The following CELSR1 variants were observed in gnomAD, a reference collection of about 807,000 sequenced individuals.
CELSR1 encodes the protein adhesion G protein-coupled receptor C1.
A neutral mutation model predicts 249.1 loss-of-function variants in CELSR1; 110 were observed. That is an observed-to-expected ratio of 0.44 (90% CI 0.38 to 0.52). CELSR1 has a LOEUF of 0.52. Among genes scored for constraint, CELSR1 ranks in the 20% least tolerant of loss-of-function variants. The pLI is 0.00. For synonymous variants in CELSR1, 2,113 were observed against 1,900.0 expected, an observed-to-expected ratio of 1.11 and a Z score of -2.92; for missense variants, 4,109 against 4,296.4, an observed-to-expected ratio of 0.96 and a Z score of 1.22.
rs528116577 is a variant in CELSR1 at position 46,509,261 on chromosome 22, T to C, written c.3544+24366A>G. 1.9e-3 allele frequency among the ~76,000 whole-genome samples: 291 copies of C among 152,300 alleles called. 1 individual carries two copies. The highest frequency in any genetic ancestry group is 3.2e-3 in the Non-Finnish European group (216 of 68,024). Reference sequence around the variant, plus strand: ...CAGACCTGCAAAGCGGGGGCTCCAATGACCCCATGTGCCATGACACCTGCA... The same window carrying C: ...CAGACCTGCAAAGCGGGGGCTCCAACGACCCCATGTGCCATGACACCTGCA... On this transcript the variant is annotated intron_variant, in intron 1 of 34. Coordinates refer to ENST00000674500, the MANE Select transcript of CELSR1 (RefSeq NM_001378328.1).
intron 1 of CELSR1, among the ~76,000 whole-genome samples, chr22:46,519,318 G>C (rs925629393): frequency 6.6e-6 from 1 of 152,176 alleles, no homozygotes; most frequent in Non-Finnish European, 1.5e-5. Flanking sequence ...AACAAACAAG[G>C]ACAAAGATCC....
At position 46,440,395 on chromosome 22, in the gene CELSR1, T is replaced by G. The variant is rs1321583804; in HGVS notation, c.4184-984A>C. On this transcript the variant is annotated intron_variant, in intron 2 of 34. Coordinates refer to ENST00000674500, the MANE Select transcript of CELSR1 (RefSeq NM_001378328.1). The surrounding 1 kb of genome is among the most constrained non-coding windows in gnomAD (Gnocchi z 4.7). ...TTTGTATTTTTAGTAGAGACGGGGA[T>G]TCACCGTGTTAGCCAGGATGGTCTC... is the stretch of plus-strand genomic sequence containing the variant. Among the ~76,000 whole-genome samples, 1 of 152,188 alleles carries G rather than the reference T, an allele frequency of 6.6e-6. No homozygotes were observed. Among genetic ancestry groups the G allele is most frequent in the Non-Finnish European group, 1.5e-5 (1 of 68,028 alleles).
chr22:46,521,366 A>G (rs1170715794), intron 1 of CELSR1, among the ~76,000 whole-genome samples: 3 of 152,098 alleles, frequency 2.0e-5, no homozygotes, highest in African/African-American at 7.2e-5. Context: ...TTAGCTGGGC[A>G]TGGTGGCGGG....
intron 1 of CELSR1, among the ~76,000 whole-genome samples, chr22:46,469,059 G>A (rs2080127473): frequency 1.3e-5 from 2 of 152,246 alleles, no homozygotes; most frequent in Admixed American, 1.3e-4. Context: ...CTGGGGGACA[G>A]AGAGAGGCTC....
Position 46,369,975 on chromosome 22 carries a change from C to T in CELSR1, c.7760-171G>A, listed in dbSNP as rs1340506086. The T allele has an allele frequency of 2.2e-5, 15 of 677,202 alleles. No homozygotes were observed. The East Asian group carries it at 2.8e-4, about 13-fold the overall frequency. 41.9% of individuals were successfully genotyped at this position (677,202 alleles called of 1,614,324 possible). A position where few individuals can be genotyped will look rare whatever the true frequency, so the allele number is the denominator to read the frequency against. On this transcript the variant is annotated intron_variant, in intron 25 of 34. Coordinates refer to ENST00000674500, the MANE Select transcript of CELSR1 (RefSeq NM_001378328.1). ...AGGGCCCCTCCAAGCACAGTCTCTC[C>T]GTGTAGGGTCTCAGGCTCACTGGCC...
chr22:46,467,886 TG>T (rs1342042111), intron 1 of CELSR1, among the ~76,000 whole-genome samples: 1 of 151,974 alleles, frequency 6.6e-6, no homozygotes, highest in African/African-American at 2.4e-5. Context: ...TGTAAAAGGA[TG>T]GGGTGGCAGG....
At chr22:46,532,014 G>C (rs144847192) in intron 1 of CELSR1, among the ~76,000 whole-genome samples, 2 of 152,132 alleles carry the variant, frequency 1.3e-5, no homozygotes, top group Non-Finnish European at 2.9e-5. Context: ...TCTAAGCTGC[G>C]CCCCAGGTGA....
In CELSR1 at chr22:46,423,651, C is replaced by G. The variant is rs1289703846; in HGVS notation, c.4611+9742G>C. On this transcript the variant is annotated intron_variant, in intron 5 of 34. Coordinates refer to ENST00000674500, the MANE Select transcript of CELSR1 (RefSeq NM_001378328.1). The surrounding 1 kb of genome is among the most constrained non-coding windows in gnomAD (Gnocchi z 5.6). Reference sequence around the variant, plus strand: ...ACTCCATGCTTTAGGCAGTTTATGACCTTGAAAAAGCTATCCGATGAGCAC... The same window carrying G: ...ACTCCATGCTTTAGGCAGTTTATGAGCTTGAAAAAGCTATCCGATGAGCAC... Among the ~76,000 whole-genome samples, 1 of 149,922 alleles carries G rather than the reference C, an allele frequency of 6.7e-6. No homozygotes were observed. Among genetic ancestry groups the G allele is most frequent in the East Asian group, 2.0e-4 (1 of 5,078 alleles).
Position 46,391,800 on chromosome 22 carries a change from A to G in CELSR1, c.5981T>C (p.Leu1994Pro), listed in dbSNP as rs6008795. 265,185 of 1,609,366 alleles carry G rather than the reference A, an allele frequency of 0.16. 25,759 individuals carry two copies. Among genetic ancestry groups the G allele is most frequent in the African/African-American group, 0.42 (31,630 of 74,632 alleles). Residue 1994 changes from leucine (L) to proline (P), a missense_variant, in exon 15 of 35, where the codon CTC (leucine) becomes CCC (proline). Leu to Pro is a moderately conservative substitution (Grantham distance 98, BLOSUM62 -3). Around this residue, in one of 7 missense-constraint regions of CELSR1, gnomAD observed 1,805 missense variants for 1,831.6 expected, o/e 0.99. Coordinates refer to ENST00000674500, the MANE Select transcript of CELSR1 (RefSeq NM_001378328.1). The surrounding 1 kb of genome is among the most constrained non-coding windows in gnomAD (Gnocchi z 4.3). ...QCQCKENYYK[L>P]LAQDTCLPCD... Reference sequence around the variant, plus strand: ...GGGCAGACAGGTGTCCTGGGCTAGGAGCTTGTAGTAATTCTCCTGCAAAAG... The same window carrying G: ...GGGCAGACAGGTGTCCTGGGCTAGGGGCTTGTAGTAATTCTCCTGCAAAAG...
intron 1 of CELSR1, among the ~76,000 whole-genome samples, chr22:46,493,432 G>C (rs921516819): frequency 6.6e-6 from 1 of 151,734 alleles, no homozygotes; most frequent in Admixed American, 6.6e-5. Context: ...TGTAATCCCA[G>C]CTACTTGGGA....
intron 1 of CELSR1, among the ~76,000 whole-genome samples, chr22:46,465,571 C>T (rs972265695): frequency 1.3e-5 from 2 of 152,200 alleles, no homozygotes; most frequent in Non-Finnish European, 1.5e-5. Flanking sequence ...GCAACACACC[C>T]GACAAGGCAC....
rs112836088 is a variant in CELSR1, at chr22:46,366,840, G to A, written c.8205+153C>T. On this transcript the variant is annotated intron_variant, in intron 29 of 34. Transcript: ENST00000674500. ...GATTCTGTCACTTTCTGGTTCTGAC[G>A]CGGCAGCCACACCGTGCACCGCGGG... is the stretch of plus-strand genomic sequence containing the variant. Among the ~76,000 whole-genome samples, 8 of 152,272 alleles carry A rather than the reference G, an allele frequency of 5.3e-5. 1 individual carries two copies. Among genetic ancestry groups the A allele is most frequent in the South Asian group, 2.1e-4 (1 of 4,826 alleles).
chr22:46,459,486 T>C (rs1237499532), intron 2 of CELSR1, among the ~76,000 whole-genome samples: 1 of 152,208 alleles, frequency 6.6e-6, no homozygotes, highest in Non-Finnish European at 1.5e-5. Flanking sequence ...TCTAAGCTGG[T>C]AAACCTGGCC....
chr22:46,363,185 T>C lies in CELSR1; in HGVS notation c.*38A>G, dbSNP rs752811805. 1 of 1,613,666 alleles carries C rather than the reference T, an allele frequency of 6.2e-7. No homozygotes were observed. The highest frequency in any genetic ancestry group is 1.7e-5 in the Admixed American group (1 of 60,014). ...TGGGGTGACGGGCTTGCCTCACGGT[T>C]TCCTGATGGTTCAAATTGAAGTTTC... On this transcript the variant is annotated 3_prime_UTR_variant, in exon 35 of 35. Coordinates refer to ENST00000674500, the MANE Select transcript of CELSR1 (RefSeq NM_001378328.1). This position sits in a 1 kb window ranked among gnomAD's most constrained non-coding sequence, Gnocchi z 4.3.
Position 46,488,805 on chromosome 22 carries a change from G to A in CELSR1, c.3545-24460C>T, listed in dbSNP as rs986861973. Among the ~76,000 whole-genome samples, 48 of 152,142 alleles carry A rather than the reference G, an allele frequency of 3.2e-4. No individual in the cohort carries two copies. Among genetic ancestry groups the A allele is most frequent in the African/African-American group, 1.1e-3 (45 of 41,526 alleles). ...CTCCCGAGTAGCTGGGACTACAGGCGCCCGCCACCAGGCCCAGCTAATTTT... is the reference window on the plus strand; with the variant it reads ...CTCCCGAGTAGCTGGGACTACAGGCACCCGCCACCAGGCCCAGCTAATTTT... On this transcript the variant is annotated intron_variant, in intron 1 of 34. Transcript: ENST00000674500. The surrounding 1 kb of genome is among the most constrained non-coding windows in gnomAD (Gnocchi z 4.7).
At chr22:46,510,230 G>A (rs567457565) in intron 1 of CELSR1, among the ~76,000 whole-genome samples, 53 of 152,184 alleles carry the variant, frequency 3.5e-4, no homozygotes, top group African/African-American at 1.1e-3. Context: ...TTTTTAAAAC[G>A]AGGGATCCAG....
rs1281480946 is a variant in CELSR1, at chr22:46,475,728, C to T, written c.3545-11383G>A. On this transcript the variant is annotated intron_variant, in intron 1 of 34. Coordinates refer to ENST00000674500, the MANE Select transcript of CELSR1 (RefSeq NM_001378328.1). ...AAAACCTCCTTCTCAATGTCACTCC[C>T]ACATTTATTATTTATGGTAAAATCA... is the stretch of plus-strand genomic sequence containing the variant. 3.9e-5 allele frequency among the ~76,000 whole-genome samples: 6 copies of T among 152,220 alleles called. No homozygotes were observed. In the South Asian group the frequency reaches 1.0e-3, roughly 26 times the overall value.
At chr22:46,382,146 A>C (rs1009932226) in intron 20 of CELSR1, 96 bp from the exon 21 acceptor site, 1 of 1,160,526 alleles carries the variant, frequency 8.6e-7, no homozygotes. Context: ...AAACCAACAG[A>C]TGTCCCACAG....
chr22:46,426,534 CT>C (rs113330381), intron 5 of CELSR1, among the ~76,000 whole-genome samples: 2,490 of 152,216 alleles, frequency 0.016, 74 homozygotes, highest in African/African-American at 0.056. Flanking sequence ...ATTCATTCCA[CT>C]CGCGGGAGAC....
Sources: allele counts gnomAD v4.1 joint callset (sites outside exome capture counted in the v4.1 genomes callset), GRCh38; gene constraint gnomAD v4.1.1; regional missense constraint gnomAD v4.1.1; non-coding constraint Gnocchi (gnomAD v3.1); transcripts MANE v1.5; gene names NCBI Gene and HGNC (gene_info 2026-07-23, HGNC 2026-07-21).